The following ADCY8 variants were observed in gnomAD, a reference collection of about 807,000 sequenced individuals.
ADCY8 encodes the protein adenylate cyclase type 8.
A neutral mutation model predicts 119.7 loss-of-function variants in ADCY8; 51 were observed. That is an observed-to-expected ratio of 0.43 (90% confidence interval 0.34 to 0.54). The LOEUF (loss-of-function observed/expected upper bound fraction) is 0.54. Among genes scored for constraint, ADCY8 ranks in the 20% least tolerant of loss-of-function variants. The pLI, the probability that ADCY8 is intolerant of heterozygous loss-of-function variation, is 0.03. For synonymous variants in ADCY8, 665 were observed against 651.0 expected (o/e 1.02, Z -0.33); for missense variants, 1,383 against 1,598.8 (o/e 0.87, Z 2.30).
At chr8:130,881,072 A>G (rs969236091) in intron 8 of ADCY8, among the ~76,000 whole-genome samples, 1 of 152,178 alleles carries the variant, frequency 6.6e-6, no homozygotes, top group South Asian at 2.1e-4. Context: ...CATGGCAGGG[A>G]GTACACAGAA....
intron 8 of ADCY8, among the ~76,000 whole-genome samples, chr8:130,869,549 G>T (rs1181264199): frequency 7.3e-6 from 1 of 136,434 alleles, no homozygotes; most frequent in Non-Finnish European, 1.5e-5. Context: ...ACAGAGTCTC[G>T]CTCTGTCGCC....
chr8:130,862,383 T>C (rs1817962766), intron 9 of ADCY8, among the ~76,000 whole-genome samples: 1 of 152,112 alleles, frequency 6.6e-6, no homozygotes, highest in Non-Finnish European at 1.5e-5. Flanking sequence ...TTTGGTAAGT[T>C]GTGTTTTCAT....
intron 1 of ADCY8, among the ~76,000 whole-genome samples, chr8:131,024,772 G>A (rs184814905): frequency 6.6e-6 from 1 of 152,300 alleles, no homozygotes; most frequent in East Asian, 1.9e-4. Flanking sequence ...AAACCACTAG[G>A]AGAAATTAAA....
intron 15 of ADCY8, among the ~76,000 whole-genome samples, chr8:130,798,545 A>G (rs1815659824): frequency 6.6e-6 from 1 of 152,146 alleles, no homozygotes; most frequent in African/African-American, 2.4e-5. Flanking sequence ...GGAGGCAGGG[A>G]CAGTGAGTGC....
At chr8:130,862,848 G>C (rs1817986250) in intron 9 of ADCY8, among the ~76,000 whole-genome samples, 1 of 152,148 alleles carries the variant, frequency 6.6e-6, no homozygotes, top group South Asian at 2.1e-4. Flanking sequence ...ACTATGATCT[G>C]AGAACATACT....
At chr8:130,856,254 G>A (rs1817728730) in intron 9 of ADCY8, among the ~76,000 whole-genome samples, 1 of 151,996 alleles carries the variant, frequency 6.6e-6, no homozygotes, top group Non-Finnish European at 1.5e-5. Context: ...CCATATGATA[G>A]CTGTTCAGCT....
intron 1 of ADCY8, among the ~76,000 whole-genome samples, chr8:131,007,301 C>T (rs1823150824): frequency 6.6e-6 from 1 of 152,132 alleles, no homozygotes; most frequent in African/African-American, 2.4e-5. Flanking sequence ...ACTCCCAGCA[C>T]CATTTCCAAG....
At chr8:131,007,102 T>G (rs1823143310) in intron 1 of ADCY8, among the ~76,000 whole-genome samples, 1 of 152,184 alleles carries the variant, frequency 6.6e-6, no homozygotes, top group Non-Finnish European at 1.5e-5. Context: ...AAAGAAAATC[T>G]TATGCAGATG....
At chr8:130,846,852 C>T (rs1276578598) in intron 11 of ADCY8, among the ~76,000 whole-genome samples, 1 of 17,530 alleles carries the variant, frequency 5.7e-5, no homozygotes, top group Non-Finnish European at 1.0e-4. Flanking sequence ...TTCCTTCCTT[C>T]CTCCCCTCCC....
chr8:130,892,871 G>A (rs1307367607), intron 7 of ADCY8: 1 of 152,052 alleles, frequency 6.6e-6, no homozygotes, highest in East Asian at 1.9e-4. Flanking sequence ...CTTAGAGCTG[G>A]CCTAAGGAAT....
intron 6 of ADCY8, among the ~76,000 whole-genome samples, chr8:130,908,984 G>GCTCTCT (rs10532518): frequency 1.5e-5 from 2 of 131,464 alleles, no homozygotes; most frequent in Admixed American, 7.6e-5. Context: ...ATGTGGAAGT[G>GCTCTCT]CTCTCTCTCT....
At chr8:130,968,478 C>T (rs550823442) in intron 2 of ADCY8, among the ~76,000 whole-genome samples, 6 of 152,272 alleles carry the variant, frequency 3.9e-5, no homozygotes, top group Middle Eastern at 6.8e-3. Flanking sequence ...GCCAGTTATT[C>T]TGCTTTTTAT....
chr8:130,787,683 CATGT>C lies in ADCY8; in HGVS notation c.3061-2212_3061-2209del, dbSNP rs919631054. On this transcript the variant is annotated intron_variant, in intron 15 of 17. Coordinates refer to ENST00000286355, the MANE Select transcript of ADCY8 (RefSeq NM_001115.3). ...TGATGTTTATGTGCACATGTATGTC[CATGT>C]ATGTGTCCACATGCATGCATTTGTG... Among the ~76,000 whole-genome samples the C allele has an allele frequency of 2.5e-4, 37 of 150,902 alleles. 1 individual carries two copies. Among genetic ancestry groups the C allele is most frequent in the African/African-American group, 8.4e-4 (34 of 40,340 alleles).
At chr8:130,882,093 T>TTTCCTC (rs1818795909) in intron 8 of ADCY8, among the ~76,000 whole-genome samples, 4 of 151,392 alleles carry the variant, frequency 2.6e-5, no homozygotes, top group Admixed American at 2.6e-4. Context: ...TGTGTGTGTG[T>TTTCCTC]TTCCTCTTAG....
chr8:130,815,041 G>T (rs1047471997), intron 13 of ADCY8, among the ~76,000 whole-genome samples: 1 of 152,306 alleles, frequency 6.6e-6, no homozygotes, highest in South Asian at 2.1e-4. Context: ...ATGAGGTCAT[G>T]CTGGTGTATC....
intron 5 of ADCY8, among the ~76,000 whole-genome samples, chr8:130,934,315 A>G (rs964209402): frequency 1.1e-4 from 16 of 152,242 alleles, no homozygotes; most frequent in Non-Finnish European, 1.8e-4. Context: ...GAAACTTACA[A>G]TCATGGCAGA....
chr8:130,993,000 A>T (rs1822649470), intron 1 of ADCY8, among the ~76,000 whole-genome samples: 1 of 152,194 alleles, frequency 6.6e-6, no homozygotes, highest in Non-Finnish European at 1.5e-5. Flanking sequence ...AAACAGTCAG[A>T]TAAAAATGTT....
At chr8:130,876,314 A>G (rs561043182) in intron 8 of ADCY8, among the ~76,000 whole-genome samples, 69 of 152,178 alleles carry the variant, frequency 4.5e-4, no homozygotes, top group Non-Finnish European at 5.4e-4. Flanking sequence ...TTCTCCCAAA[A>G]TGCTAGGATT....
chr8:131,029,674 C>T lies in ADCY8; in HGVS notation c.960+9700G>A, dbSNP rs373552647. The stretch of plus-strand genomic sequence containing the variant: ...GGATAATTACTTGAATTTTTCTTCA[C>T]GTTATCTAATATGTACATGTATATG... On this transcript the variant is annotated intron_variant, in intron 1 of 17. Transcript: ENST00000286355. Among the ~76,000 whole-genome samples, 88 of 152,270 alleles carry T rather than the reference C, an allele frequency of 5.8e-4. No individual in the cohort carries two copies. In the South Asian group the frequency reaches 0.017, roughly 29 times the overall value.
Sources: gnomAD v4.1 joint callset for allele counts (sites outside exome capture counted in the v4.1 genomes callset) on GRCh38, gnomAD v4.1.1 for gene constraint, MANE v1.5 for transcripts, NCBI Gene and HGNC (gene_info 2026-07-23, HGNC 2026-07-21) for gene names.